The following NME7 variants were observed in gnomAD, a reference collection of about 807,000 sequenced individuals.
NME7 encodes NME/NM23 family member 7.
In NME7, 41 loss-of-function variants were observed where a neutral mutation model predicts 49.1. The ratio of observed to expected loss-of-function variants is 0.83; its 90% CI spans 0.65 to 1.08. NME7 has a LOEUF of 1.08. Ranked by LOEUF, NME7 falls within the 50% of genes least tolerant of loss-of-function variation. The pLI, the probability that NME7 is intolerant of heterozygous loss-of-function variation, is 0.00. For missense variants in NME7, 423 were observed against 463.4 expected (o/e 0.91, Z 0.80); for synonymous variants, 139 against 150.6 (o/e 0.92, Z 0.56).
At chr1:169,180,195 C>G (rs984262705) in intron 10 of NME7, among the ~76,000 whole-genome samples, 1 of 152,002 alleles carries the variant, frequency 6.6e-6, no homozygotes, top group African/African-American at 2.4e-5. Context: ...AAGATAATGC[C>G]CATAAAATGT....
Position 169,188,632 on chromosome 1 carries a change from C to T in NME7, c.991-19078G>A, listed in dbSNP as rs1017563563. 3.3e-5 allele frequency among the ~76,000 whole-genome samples: 5 copies of T among 152,144 alleles called. No homozygotes were observed. In the East Asian group the frequency reaches 9.6e-4, roughly 29 times the overall value. ...TTTTTCAGAAAGTTTAACTCTGAAC[C>T]TATTGTCATTCGGTATTAATCAAAA... is the stretch of plus-strand genomic sequence containing the variant. On this transcript the variant is annotated intron_variant, in intron 10 of 11. Coordinates refer to ENST00000367811, the MANE Select transcript of NME7 (RefSeq NM_013330.5).
At chr1:169,152,285 C>T (rs1036401743) in intron 11 of NME7, among the ~76,000 whole-genome samples, 1 of 151,868 alleles carries the variant, frequency 6.6e-6, no homozygotes, top group Non-Finnish European at 1.5e-5. Context: ...ATTGTTTTAC[C>T]TATATCACCT....
At chr1:169,290,489 C>A (rs1439120774) in intron 6 of NME7, among the ~76,000 whole-genome samples, 1 of 152,066 alleles carries the variant, frequency 6.6e-6, no homozygotes, top group Non-Finnish European at 1.5e-5. Flanking sequence ...TGGACCCCTT[C>A]CTTTCATCTT....
In NME7 at chr1:169,244,009, A is replaced by G. The variant is rs190074263; in HGVS notation, c.755-6322T>C. 4.1e-5 allele frequency among the ~76,000 whole-genome samples: 6 copies of G among 144,904 alleles called. No homozygotes were observed. The Admixed American group carries it at 4.2e-4, about 10-fold the overall frequency. On this transcript the variant is annotated intron_variant, in intron 7 of 11. Coordinates refer to ENST00000367811, the MANE Select transcript of NME7 (RefSeq NM_013330.5). ...TAAATAATCAAAATATTTAGTTGGC[A>G]TATGTATGTACCTCAATTAAATAAT... is the stretch of plus-strand genomic sequence containing the variant.
chr1:169,244,966 T>G (rs533753221), intron 7 of NME7, among the ~76,000 whole-genome samples: 18 of 152,038 alleles, frequency 1.2e-4, no homozygotes, highest in African/African-American at 4.1e-4. Context: ...CTATCTCTAC[T>G]AAAAATACAA....
intron 1 of NME7, among the ~76,000 whole-genome samples, chr1:169,330,550 G>C (rs1029473402): frequency 6.6e-6 from 1 of 152,078 alleles, no homozygotes; most frequent in Non-Finnish European, 1.5e-5. Flanking sequence ...ATGGTGGCAG[G>C]CGCCTGTAGT....
At chr1:169,314,647 G>C (rs1390368743) in intron 3 of NME7, among the ~76,000 whole-genome samples, 1 of 151,956 alleles carries the variant, frequency 6.6e-6, no homozygotes, top group African/African-American at 2.4e-5. Flanking sequence ...AAGATAATCT[G>C]ATTGGATTTT....
chr1:169,159,780 C>A (rs972846894), intron 11 of NME7, among the ~76,000 whole-genome samples: 2 of 152,152 alleles, frequency 1.3e-5, no homozygotes, highest in Non-Finnish European at 2.9e-5. Context: ...GACCTCCTCC[C>A]CTTATATATG....
chr1:169,317,713 C>A (rs920974439), intron 3 of NME7, among the ~76,000 whole-genome samples: 2 of 152,088 alleles, frequency 1.3e-5, no homozygotes, highest in Non-Finnish European at 2.9e-5. Flanking sequence ...GTCTGTTCCC[C>A]GAGAAGTAGC....
intron 6 of NME7, among the ~76,000 whole-genome samples, chr1:169,287,671 G>T (rs1013029243): frequency 2.6e-5 from 4 of 151,934 alleles, no homozygotes; most frequent in African/African-American, 9.7e-5. Context: ...GAATATAGTG[G>T]ACAAAGATTT....
intron 2 of NME7, 21 bp downstream of exon 2, chr1:169,324,372 A>G (rs752160119): frequency 6.6e-7 from 1 of 1,512,172 alleles, no homozygotes; most frequent in Non-Finnish European, 9.2e-7. Flanking sequence ...CCAACATTCA[A>G]GCAAAGAAAG....
At chr1:169,141,495 G>A (rs982209641) in intron 11 of NME7, among the ~76,000 whole-genome samples, 1 of 152,168 alleles carries the variant, frequency 6.6e-6, no homozygotes, top group African/African-American at 2.4e-5. Flanking sequence ...GTATGTCCTC[G>A]TCATTCCCTG....
intron 7 of NME7, among the ~76,000 whole-genome samples, chr1:169,271,926 C>T (rs1316153123): frequency 1.5e-5 from 2 of 132,012 alleles, no homozygotes; most frequent in African/African-American, 5.1e-5. Flanking sequence ...AGACTTCAAA[C>T]TATATTTCAT....
intron 11 of NME7, among the ~76,000 whole-genome samples, chr1:169,140,728 A>C (rs199842271): frequency 4.8e-5 from 1 of 20,868 alleles, no homozygotes; most frequent in Non-Finnish European, 8.7e-5. Flanking sequence ...TCTATCCTTA[A>C]AAAAAAAAAA....
intron 3 of NME7, among the ~76,000 whole-genome samples, chr1:169,314,155 C>A (rs60917555): frequency 0.021 from 3,153 of 151,454 alleles, 113 homozygotes; most frequent in African/African-American, 0.073. Flanking sequence ...TAATCCCAAA[C>A]AGAATGTTTG....
intron 1 of NME7, among the ~76,000 whole-genome samples, chr1:169,327,344 C>T (rs755486007): frequency 5.6e-4 from 85 of 152,246 alleles, no homozygotes; most frequent in Non-Finnish European, 1.1e-3. Flanking sequence ...TTAAAGAAGC[C>T]AAATCATTTT....
rs376976097 is a variant in NME7, at chr1:169,203,116, G to A, written c.990+27602C>T. Among the ~76,000 whole-genome samples, 65 of 152,252 alleles carry A rather than the reference G, an allele frequency of 4.3e-4. No homozygotes were observed. The East Asian group carries it at 8.1e-3, about 19-fold the overall frequency. ...AAAGGCTACACAAGTGACTTGCCCA[G>A]TCAGGCTTGCAATGGAAAATTCCAT... On this transcript the variant is annotated intron_variant, in intron 10 of 11. Coordinates refer to ENST00000367811, the MANE Select transcript of NME7 (RefSeq NM_013330.5).
chr1:169,312,672 C>A (rs1308361881), intron 3 of NME7, among the ~76,000 whole-genome samples: 1 of 152,114 alleles, frequency 6.6e-6, no homozygotes, highest in Non-Finnish European at 1.5e-5. Context: ...CCATCAGGTT[C>A]TGAGCAAAAA....
chr1:169,301,065 GA>G (rs1650917452), intron 5 of NME7, among the ~76,000 whole-genome samples: 1 of 151,868 alleles, frequency 6.6e-6, no homozygotes, highest in Non-Finnish European at 1.5e-5. Context: ...TAATGGCAAC[GA>G]AAACAAAAAT....
Sources: gnomAD v4.1 joint callset for allele counts (sites outside exome capture counted in the v4.1 genomes callset) on GRCh38, gnomAD v4.1.1 for gene constraint, MANE v1.5 for transcripts, NCBI Gene and HGNC (gene_info 2026-07-23, HGNC 2026-07-21) for gene names.